The following SUGCT variants were observed in gnomAD, a reference collection of about 807,000 sequenced individuals.
SUGCT encodes succinyl-CoA:glutarate CoA-transferase.
Under a neutral mutation model 55.0 loss-of-function variants are expected in SUGCT, and 41 were observed. The ratio of observed to expected loss-of-function variants is 0.74; its 90% CI spans 0.58 to 0.97. The LOEUF is 0.97. Ranked by LOEUF, SUGCT falls within the 50% of genes least tolerant of loss-of-function variation. SUGCT has a pLI of 0.00. For synonymous variants in SUGCT, 187 were observed against 200.4 expected (o/e 0.93, Z 0.56); for missense variants, 568 against 547.8 (o/e 1.04, Z -0.37).
intron 1 of SUGCT, chr7:40,141,894 G>A (rs1399334354): frequency 5.6e-6 from 2 of 358,614 alleles, no homozygotes; most frequent in Admixed American, 5.7e-5. Flanking sequence ...ACCTGGACAA[G>A]GGAGGGGAAG....
chr7:40,945,567 A>G, the SUGCT span, among the ~76,000 whole-genome samples: 1 of 152,150 alleles, frequency 6.6e-6, no homozygotes, highest in Non-Finnish European at 1.5e-5. Flanking sequence ...CAAACCTTTC[A>G]CAAGTACCAG....
intron 6 of SUGCT, among the ~76,000 whole-genome samples, chr7:40,223,835 A>G (rs189636094): frequency 2.0e-5 from 3 of 152,316 alleles, no homozygotes. Flanking sequence ...ACAAGGCTAA[A>G]AGGTGATTCT....
chr7:40,950,067 A>G, the SUGCT span, among the ~76,000 whole-genome samples: 126 of 152,258 alleles, frequency 8.3e-4, no homozygotes, highest in African/African-American at 2.9e-3. Context: ...TTTTCACAAT[A>G]TTGATTCTTC....
At chr7:40,376,153 A>C (rs763677557) in intron 9 of SUGCT, among the ~76,000 whole-genome samples, 5 of 152,208 alleles carry the variant, frequency 3.3e-5, no homozygotes, top group Non-Finnish European at 7.3e-5. Flanking sequence ...TAAAAGTTTA[A>C]ATGACAGAAA....
chr7:40,923,867 C>T, the SUGCT span, among the ~76,000 whole-genome samples: 1 of 152,090 alleles, frequency 6.6e-6, no homozygotes, highest in African/African-American at 2.4e-5. Flanking sequence ...GAAACATTTC[C>T]CTGCTGATGA....
At chr7:40,590,579 C>T (rs1463204441) in intron 12 of SUGCT, among the ~76,000 whole-genome samples, 1 of 152,208 alleles carries the variant, frequency 6.6e-6, no homozygotes, top group African/African-American at 2.4e-5. Context: ...AAGGTAGCTA[C>T]ACTAAACAAC....
At chr7:40,684,627 T>A (rs1169904504) in intron 12 of SUGCT, among the ~76,000 whole-genome samples, 1 of 152,184 alleles carries the variant, frequency 6.6e-6, no homozygotes, top group Non-Finnish European at 1.5e-5. Flanking sequence ...TTTTTTGAAT[T>A]TTAGACATTT....
chr7:40,339,203 C>T (rs1796904091), intron 9 of SUGCT, among the ~76,000 whole-genome samples: 1 of 152,202 alleles, frequency 6.6e-6, no homozygotes, highest in South Asian at 2.1e-4. Flanking sequence ...CAGGGGCACA[C>T]TTGAGGAGGC....
At chr7:41,013,550 G>A in the SUGCT span, among the ~76,000 whole-genome samples, 17 of 152,230 alleles carry the variant, frequency 1.1e-4, no homozygotes, top group South Asian at 3.5e-3. Context: ...CCGTGGGTTC[G>A]TTTGAATGTG....
At chr7:40,704,771 C>T (rs987695402) in intron 12 of SUGCT, among the ~76,000 whole-genome samples, 3 of 152,174 alleles carry the variant, frequency 2.0e-5, no homozygotes, top group Non-Finnish European at 2.9e-5. Context: ...AAGGGCTTTA[C>T]GTTACATCAT....
At chr7:40,272,338 G>A (rs566075626) in intron 7 of SUGCT, among the ~76,000 whole-genome samples, 10 of 149,358 alleles carry the variant, frequency 6.7e-5, no homozygotes, top group South Asian at 6.4e-4. Flanking sequence ...CACCATGCCC[G>A]GCTAATTTTT....
At chr7:40,720,759 A>C (rs1786285852) in intron 12 of SUGCT, among the ~76,000 whole-genome samples, 1 of 152,228 alleles carries the variant, frequency 6.6e-6, no homozygotes, top group African/African-American at 2.4e-5. Flanking sequence ...CCTTGAATGT[A>C]TATATTTTGT....
At chr7:40,492,953 C>T (rs776470881) in intron 11 of SUGCT, among the ~76,000 whole-genome samples, 10 of 152,068 alleles carry the variant, frequency 6.6e-5, no homozygotes, top group Non-Finnish European at 8.8e-5. Flanking sequence ...CTAAAAGCAT[C>T]GGGAATGAAT....
intron 12 of SUGCT, among the ~76,000 whole-genome samples, chr7:40,647,004 C>G (rs1021499807): frequency 3.3e-5 from 5 of 152,200 alleles, no homozygotes; most frequent in Admixed American, 6.5e-5. Context: ...CCGCTGTGCT[C>G]TGTACACACT....
intron 12 of SUGCT, among the ~76,000 whole-genome samples, chr7:40,553,276 G>A (rs1259681377): frequency 1.3e-5 from 2 of 152,136 alleles, no homozygotes; most frequent in African/African-American, 4.8e-5. Context: ...GAACTCCTAG[G>A]AATTAACTAA....
chr7:40,740,285 T>A (rs548040499), intron 12 of SUGCT, among the ~76,000 whole-genome samples: 1 of 152,200 alleles, frequency 6.6e-6, no homozygotes, highest in Admixed American at 6.5e-5. Flanking sequence ...AGTCATTTAT[T>A]AGTCCTAAGA....
chr7:40,717,818 CATAGTT>C (rs1786103767), intron 12 of SUGCT, among the ~76,000 whole-genome samples: 1 of 152,020 alleles, frequency 6.6e-6, no homozygotes, highest in Non-Finnish European at 1.5e-5. Flanking sequence ...TATCCATAGA[CATAGTT>C]ATAGATATAT....
intron 13 of SUGCT, among the ~76,000 whole-genome samples, chr7:40,752,792 A>G (rs1192698068): frequency 4.6e-5 from 7 of 152,218 alleles, no homozygotes; most frequent in African/African-American, 1.7e-4. Context: ...TCACTTGACT[A>G]CAACAGAGTT....
At chr7:40,876,990 T>A in the SUGCT span, among the ~76,000 whole-genome samples, 4 of 152,210 alleles carry the variant, frequency 2.6e-5, no homozygotes, top group South Asian at 6.2e-4. Flanking sequence ...GCCTTTCTCT[T>A]CTTTAATATA....
Sources: gnomAD v4.1 joint callset for allele counts (sites outside exome capture counted in the v4.1 genomes callset) on GRCh38, gnomAD v4.1.1 for gene constraint, MANE v1.5 for transcripts, NCBI Gene and HGNC (gene_info 2026-07-23, HGNC 2026-07-21) for gene names.